Variants in PLA2G4C observed in about 807,000 individuals in gnomAD.
The protein encoded by PLA2G4C is phospholipase A2 group IVC, also known as cytosolic phospholipase A2 gamma.
PLA2G4C carries 64 observed loss-of-function variants against 73.8 expected under a neutral mutation model. The observed-to-expected ratio is 0.87, with a 90% confidence interval of 0.71 to 1.07. The LOEUF (loss-of-function observed/expected upper bound fraction) is 1.07. Ranked by LOEUF, PLA2G4C falls within the 50% of genes least tolerant of loss-of-function variation. The pLI is 0.00. For synonymous variants in PLA2G4C, 254 were observed against 252.1 expected (o/e 1.01, Z -0.07); for missense variants, 622 against 665.4 (o/e 0.93, Z 0.72).
At chr19:48,109,919 G>A (rs370867624) in intron 1 of PLA2G4C, among the ~76,000 whole-genome samples, 1 of 152,132 alleles carries the variant, frequency 6.6e-6, no homozygotes, top group South Asian at 2.1e-4. Context: ...AAAGGGCTGG[G>A]ATTACAGGCG....
At chr19:48,063,604 AC>A (rs1251995567) in intron 13 of PLA2G4C, among the ~76,000 whole-genome samples, 6 of 53,512 alleles carry the variant, frequency 1.1e-4, no homozygotes, top group Admixed American at 2.5e-4. Context: ...CCCAACTCCT[AC>A]CCCCCCACAA....
At position 48,054,976 on chromosome 19, in the gene PLA2G4C, T is replaced by C. The variant is rs766359592; in HGVS notation, c.1331A>G (p.Asp444Gly). 7.4e-6 allele frequency: 12 copies of C among 1,613,572 alleles called. No individual in the cohort carries two copies. The South Asian group carries it at 8.8e-5, about 12-fold the overall frequency. ...PFPQVEEAEL[D>G]LWSKAPASCY... ...GCTGGCGGGGGCCTTGGACCACAAA[T>C]CCAGCTCAGCCTCTTCTACTTGGGG... The change falls in exon 15 of 17, where the codon GAT (aspartate) becomes GGT (glycine). Residue 444 changes from aspartate (D) to glycine (G), a missense_variant. Asp to Gly is a moderately conservative substitution (Grantham distance 94, BLOSUM62 -1). Coordinates refer to ENST00000599921, the MANE Select transcript of PLA2G4C (RefSeq NM_003706.3).
chr19:48,063,785 A>C (rs1182654743), intron 13 of PLA2G4C: 1 of 151,496 alleles, frequency 6.6e-6, no homozygotes, highest in Non-Finnish European at 1.5e-5. Context: ...ATCCACCCAG[A>C]GCTTAAGTCT....
chr19:48,104,586 A>G lies in PLA2G4C; in HGVS notation c.257+2T>C. 4 of 1,613,864 alleles carry G rather than the reference A, an allele frequency of 2.5e-6. No homozygotes were observed. The highest frequency in any genetic ancestry group is 3.4e-6 in the Non-Finnish European group (4 of 1,179,860). Reference sequence around the variant, plus strand: ...GCAATCTGAAACATGAGTGATGCTTACCAAGTGGATCCAGAGACCCCTGCG... The same window carrying G: ...GCAATCTGAAACATGAGTGATGCTTGCCAAGTGGATCCAGAGACCCCTGCG... On this transcript the variant is annotated splice_donor_variant, in intron 4 of 16. Transcript: ENST00000599921. LOFTEE classifies it high-confidence loss of function.
At chr19:48,079,301 C>T (rs112252000) in intron 10 of PLA2G4C, among the ~76,000 whole-genome samples, 3,097 of 152,158 alleles carry the variant, frequency 0.02, 106 homozygotes, top group African/African-American at 0.069. Context: ...CAAAACAGCA[C>T]GGTACTGGTA....
rs192150173 is a variant in PLA2G4C at position 48,060,448 on chromosome 19, G to A, written c.1257+1550C>T. On this transcript the variant is annotated intron_variant, in intron 14 of 16. Coordinates refer to ENST00000599921, the MANE Select transcript of PLA2G4C (RefSeq NM_003706.3). ...TGATTGAAGTTTAACAAATGCTGCCGGTTTTCTTCCTATTACTCTTGCTAT... is the reference window on the plus strand; with the variant it reads ...TGATTGAAGTTTAACAAATGCTGCCAGTTTTCTTCCTATTACTCTTGCTAT... Among the ~76,000 whole-genome samples, 52 of 152,116 alleles carry A rather than the reference G, an allele frequency of 3.4e-4. 1 individual carries two copies. Among genetic ancestry groups the A allele is most frequent in the African/African-American group, 1.2e-3 (49 of 41,480 alleles).
intron 10 of PLA2G4C, among the ~76,000 whole-genome samples, chr19:48,083,309 T>C (rs1244907114): frequency 6.6e-6 from 1 of 152,020 alleles, no homozygotes; most frequent in Non-Finnish European, 1.5e-5. Context: ...ATATACAAGA[T>C]TGGGGCTATG....
chr19:48,073,876 C>T (rs2029954727), intron 12 of PLA2G4C, among the ~76,000 whole-genome samples: 1 of 152,050 alleles, frequency 6.6e-6, no homozygotes, highest in Non-Finnish European at 1.5e-5. Context: ...GAGGATGACG[C>T]TAAGCCATTC....
At chr19:48,095,006 G>T (rs567990609) in intron 7 of PLA2G4C, among the ~76,000 whole-genome samples, 2 of 152,192 alleles carry the variant, frequency 1.3e-5, no homozygotes, top group East Asian at 3.9e-4. Flanking sequence ...CACTGCCTCA[G>T]CCTCCTGAGT....
chr19:48,094,987 T>G (rs1318433637), intron 7 of PLA2G4C, among the ~76,000 whole-genome samples: 1 of 152,118 alleles, frequency 6.6e-6, no homozygotes, highest in African/African-American at 2.4e-5. Flanking sequence ...CATGCTGAAG[T>G]GATCCTTCCA....
chr19:48,100,397 G>C (rs763076208), intron 4 of PLA2G4C, among the ~76,000 whole-genome samples: 73 of 150,816 alleles, frequency 4.8e-4, no homozygotes, highest in Middle Eastern at 7.1e-3. Flanking sequence ...CATGCGTGGT[G>C]GTGGGTACCT....
intron 7 of PLA2G4C, among the ~76,000 whole-genome samples, chr19:48,090,944 T>G (rs35104421): frequency 0.093 from 14,098 of 151,324 alleles, 1,399 homozygotes; most frequent in African/African-American, 0.25. Flanking sequence ...GTTCAAGACC[T>G]GTATTGGGCT....
At chr19:48,049,045 C>T (rs568332982) in intron 16 of PLA2G4C, among the ~76,000 whole-genome samples, 1 of 152,220 alleles carries the variant, frequency 6.6e-6, no homozygotes, top group South Asian at 2.1e-4. Flanking sequence ...ACACGCCAGC[C>T]CCCCTTCCCC....
intron 1 of PLA2G4C, among the ~76,000 whole-genome samples, chr19:48,107,424 C>T (rs1007823747): frequency 6.6e-6 from 1 of 152,092 alleles, no homozygotes; most frequent in Non-Finnish European, 1.5e-5. Context: ...TTTGGGAGGC[C>T]GAGGCAGTCA....
intron 12 of PLA2G4C, among the ~76,000 whole-genome samples, chr19:48,074,164 G>T (rs2029976116): frequency 6.6e-6 from 1 of 151,692 alleles, no homozygotes; most frequent in Non-Finnish European, 1.5e-5. Context: ...GCCCCAGTGT[G>T]TGTTGTTCCC....
At position 48,053,161 on chromosome 19, in the gene PLA2G4C, A is replaced by T; in HGVS notation, c.1430-14T>A. 6.4e-7 allele frequency: 1 copy of T among 1,552,638 alleles called. No homozygotes were observed. The highest frequency in any genetic ancestry group is 8.8e-7 in the Non-Finnish European group (1 of 1,141,700). On this transcript the variant is annotated splice_polypyrimidine_tract_variant and intron_variant, in intron 15 of 16. Transcript: ENST00000599921. ...CCTCAATATCACCTGAAGCATAACCAAACCAACAAAGAAAAGGCATCATGA... is the reference window on the plus strand; with the variant it reads ...CCTCAATATCACCTGAAGCATAACCTAACCAACAAAGAAAAGGCATCATGA...
chr19:48,074,478 A>G, intron 12 of PLA2G4C: 1 of 422,112 alleles, frequency 2.4e-6, no homozygotes. Context: ...AGAATGATTT[A>G]CATTCCTTTG....
At chr19:48,085,733 CA>C (rs979678024) in intron 9 of PLA2G4C, among the ~76,000 whole-genome samples, 1 of 152,132 alleles carries the variant, frequency 6.6e-6, no homozygotes, top group Non-Finnish European at 1.5e-5. Flanking sequence ...TACTGTGACT[CA>C]AGTGAAGGGC....
chr19:48,078,861 T>C (rs1296453713), intron 10 of PLA2G4C, among the ~76,000 whole-genome samples: 3 of 141,580 alleles, frequency 2.1e-5, no homozygotes, highest in Non-Finnish European at 4.6e-5. Context: ...GAACAAAAAA[T>C]CCTAAAATCC....
Sources: gnomAD v4.1 joint callset for allele counts (sites outside exome capture counted in the v4.1 genomes callset) on GRCh38, gnomAD v4.1.1 for gene constraint, MANE v1.5 for transcripts, NCBI Gene and HGNC (gene_info 2026-07-23, HGNC 2026-07-21) for gene names.